Variants in MYO3A observed in about 807,000 individuals in gnomAD.
The protein encoded by MYO3A is myosin IIIA.
Under a neutral mutation model 192.7 loss-of-function variants are expected in MYO3A, and 180 were observed. The observed-to-expected ratio is 0.93, with a 90% confidence interval of 0.83 to 1.06. MYO3A has a LOEUF of 1.06. Among genes scored for constraint, MYO3A ranks in the 50% least tolerant of loss-of-function variants. MYO3A has a pLI of 0.00. For missense variants in MYO3A, 1,896 were observed against 1,905.0 expected (o/e 1.00, Z 0.09); for synonymous variants, 628 against 645.3 (o/e 0.97, Z 0.41).
intron 10 of MYO3A, among the ~76,000 whole-genome samples, chr10:26,057,669 T>G (rs11014937): frequency 0.69 from 105,285 of 152,004 alleles, 36,639 homozygotes; most frequent in Middle Eastern, 0.77. Context: ...AATCTTTCAG[T>G]CGTGAGTTTT....
intron 14 of MYO3A, 95 bp downstream of exon 14, chr10:26,070,496 A>G (rs543431005): frequency 1.9e-6 from 2 of 1,080,386 alleles, no homozygotes; most frequent in Middle Eastern, 2.7e-4. Context: ...AGTATCTCAC[A>G]TTTAATAATG....
chr10:26,075,408 T>G (rs1398213993), intron 14 of MYO3A, among the ~76,000 whole-genome samples: 1 of 151,658 alleles, frequency 6.6e-6, no homozygotes, highest in Non-Finnish European at 1.5e-5. Context: ...ATATTTGAAG[T>G]CTTTTATCCC....
chr10:26,111,083 G>A (rs1286913535), intron 17 of MYO3A, among the ~76,000 whole-genome samples: 1 of 152,008 alleles, frequency 6.6e-6, no homozygotes, highest in East Asian at 1.9e-4. Flanking sequence ...GCCCAGGCTG[G>A]TCTGAAACTC....
In MYO3A at chr10:26,126,872, G is replaced by A. The variant is rs901340095; in HGVS notation, c.2114+1264G>A. ...ACTAATGAAAACCATCCAAATCTTA[G>A]ATTTTAAAATTTTTTACAGAAAGTC... is the stretch of plus-strand genomic sequence containing the variant. On this transcript the variant is annotated intron_variant, in intron 19 of 34. Transcript: ENST00000642920. Among the ~76,000 whole-genome samples, 4 of 152,222 alleles carry A rather than the reference G, an allele frequency of 2.6e-5. No individual in the cohort carries two copies. The East Asian group carries it at 7.7e-4, about 29-fold the overall frequency.
intron 10 of MYO3A, among the ~76,000 whole-genome samples, chr10:26,038,817 G>A (rs562848932): frequency 1.3e-5 from 2 of 152,232 alleles, no homozygotes; most frequent in East Asian, 1.9e-4. Flanking sequence ...TTATGGATCT[G>A]ACATATGTTC....
intron 22 of MYO3A, 69 bp from the exon 23 acceptor site, chr10:26,147,361 G>T: frequency 6.9e-7 from 1 of 1,456,914 alleles, no homozygotes; most frequent in Non-Finnish European, 9.6e-7. Flanking sequence ...TGTTGATGAT[G>T]ATGATGGTGA....
intron 2 of MYO3A, among the ~76,000 whole-genome samples, chr10:25,945,492 C>G (rs1836776583): frequency 6.6e-6 from 1 of 151,998 alleles, no homozygotes; most frequent in South Asian, 2.1e-4. Context: ...TGTCTGTTTT[C>G]CCCTTTAGTT....
intron 17 of MYO3A, among the ~76,000 whole-genome samples, chr10:26,104,184 T>C (rs1837647789): frequency 6.6e-6 from 1 of 152,100 alleles, no homozygotes; most frequent in Non-Finnish European, 1.5e-5. Flanking sequence ...AGCACAGAAG[T>C]TTTTAAATTG....
intron 22 of MYO3A, among the ~76,000 whole-genome samples, chr10:26,145,756 G>A (rs191779572): frequency 4.9e-4 from 75 of 152,292 alleles, no homozygotes; most frequent in African/African-American, 1.7e-3. Flanking sequence ...CAGGGCATGC[G>A]CTTCTAGCAT....
chr10:26,100,649 A>G (rs936161177), intron 17 of MYO3A, among the ~76,000 whole-genome samples: 1 of 152,084 alleles, frequency 6.6e-6, no homozygotes, highest in Non-Finnish European at 1.5e-5. Context: ...TCATTTCGTT[A>G]TGTACCCAGT....
chr10:26,187,371 C>T (rs1842914762), intron 31 of MYO3A, among the ~76,000 whole-genome samples: 1 of 152,182 alleles, frequency 6.6e-6, no homozygotes, highest in Non-Finnish European at 1.5e-5. Context: ...TACTTTCTCA[C>T]AGTTCTGGAG....
At chr10:25,959,149 GC>G (rs1837754710) in intron 4 of MYO3A, among the ~76,000 whole-genome samples, 1 of 152,038 alleles carries the variant, frequency 6.6e-6, no homozygotes, top group South Asian at 2.1e-4. Flanking sequence ...CTATTTGGAT[GC>G]CCTTTATTTC....
At position 26,064,714 on chromosome 10, in the gene MYO3A, G is replaced by A. The variant is rs535188675; in HGVS notation, c.954-2261G>A. On this transcript the variant is annotated intron_variant, in intron 10 of 34. Transcript: ENST00000642920. ...GCCCTAGATAGAATTTGATGATAGAGCTGATGGAATTTGTATACAGATTGC... is the reference window on the plus strand; with the variant it reads ...GCCCTAGATAGAATTTGATGATAGAACTGATGGAATTTGTATACAGATTGC... Among the ~76,000 whole-genome samples the A allele has an allele frequency of 1.8e-4, 27 of 152,154 alleles. 2 individuals carry two copies. In the South Asian group the frequency reaches 5.4e-3, roughly 30 times the overall value.
chr10:25,937,857 A>G (rs1836201527), intron 2 of MYO3A, among the ~76,000 whole-genome samples: 1 of 152,236 alleles, frequency 6.6e-6, no homozygotes, highest in South Asian at 2.1e-4. Flanking sequence ...AACAGAGCAT[A>G]CATGTAACTG....
intron 31 of MYO3A, among the ~76,000 whole-genome samples, chr10:26,179,089 ATTTTTTTTT>A (rs59025321): frequency 6.0e-5 from 4 of 66,138 alleles, no homozygotes; most frequent in Non-Finnish European, 1.0e-4. Context: ...GCCCAGCCTA[ATTTTTTTTT>A]TTTTTTTTTT....
At chr10:26,013,800 A>T (rs1434088192) in intron 6 of MYO3A, among the ~76,000 whole-genome samples, 1 of 152,170 alleles carries the variant, frequency 6.6e-6, no homozygotes, top group Middle Eastern at 3.2e-3. Context: ...AGAAGTCATT[A>T]TATGAAAAAG....
rs1331753934 is a variant in MYO3A at position 26,016,867 on chromosome 10, G to A, written c.556G>A (p.Val186Ile). Reference protein sequence around the residue: ...TSTRHRRNTSVGTPFWMAPEV... With the variant: ...TSTRHRRNTSIGTPFWMAPEV... ...TACCCGGCACCGTCGGAACACATCC[G>A]TAGGAACACCGTTTTGGATGGCTCC... The change falls in exon 7 of 35, where the codon GTA becomes ATA. Residue 186 changes from valine to isoleucine, a missense_variant. Val to Ile is a conservative substitution (Grantham distance 29). Transcript: ENST00000642920. The A allele has an allele frequency of 3.1e-6, 5 of 1,614,062 alleles. No individual in the cohort carries two copies. Among genetic ancestry groups the A allele is most frequent in the Non-Finnish European group, 4.2e-6 (5 of 1,180,016 alleles).
At chr10:26,006,024 AACT>A (rs1308495295) in intron 6 of MYO3A, among the ~76,000 whole-genome samples, 3 of 152,076 alleles carry the variant, frequency 2.0e-5, no homozygotes, top group Non-Finnish European at 4.4e-5. Context: ...GGAGTTCCAA[AACT>A]GACTATTTTT....
At position 26,026,522 on chromosome 10, in the gene MYO3A, G is replaced by GA. The variant is rs1448000051; in HGVS notation, c.947dup (p.Ala317GlyfsTer4). On this transcript the variant is annotated frameshift_variant, in exon 10 of 35. Transcript: ENST00000642920. LOFTEE classifies it high-confidence loss of function. ...CATCCATCAATGCATGGGAGGCACA[G>GA]AAAAGGCCAGGTAATCAAATAATAT... 2 of 1,614,110 alleles carry GA rather than the reference G, an allele frequency of 1.2e-6. No individual in the cohort carries two copies. Among genetic ancestry groups the GA allele is most frequent in the Admixed American group, 3.3e-5 (2 of 60,030 alleles).
Sources: allele counts gnomAD v4.1 joint callset (sites outside exome capture counted in the v4.1 genomes callset), GRCh38; gene constraint gnomAD v4.1.1; transcripts MANE v1.5; gene names NCBI Gene and HGNC (gene_info 2026-07-23, HGNC 2026-07-21).